ICAM3: variants seen among roughly 807,000 people sequenced by gnomAD.
The protein encoded by ICAM3 is intercellular adhesion molecule 3.
ICAM3 carries 54 observed loss-of-function variants against 43.6 expected under a neutral mutation model. The observed-to-expected ratio is 1.24, with a 90% CI of 0.99 to 1.55. The LOEUF (loss-of-function observed/expected upper bound fraction) is 1.55, where lower values mean the gene tolerates loss of function less well. ICAM3 is among the 40% of genes most tolerant of loss of function. The pLI is 0.00. For missense variants in ICAM3, 715 were observed against 717.9 expected, an observed-to-expected ratio of 1.00 and a Z score of 0.05; for synonymous variants, 306 against 312.6, an observed-to-expected ratio of 0.98 and a Z score of 0.22.
chr19:10,334,493 G>A lies in ICAM3; in HGVS notation c.1192+35C>T. 1 of 1,602,788 alleles carries A rather than the reference G, an allele frequency of 6.2e-7. No homozygotes were observed. The highest frequency in any genetic ancestry group is 8.5e-7 in the Non-Finnish European group (1 of 1,172,696). The stretch of plus-strand genomic sequence containing the variant: ...GAGCGTCTAATCTTTCCAGGGCAGG[G>A]GTGGAGGGATTAAAGGTCAGGGTGA... On this transcript the variant is annotated intron_variant, in intron 5 of 6. Coordinates refer to ENST00000160262, the MANE Select transcript of ICAM3 (RefSeq NM_002162.5). The surrounding 1 kb of genome is among the most constrained non-coding windows in gnomAD (Gnocchi z 5.5).
chr19:10,335,160 C>T lies in ICAM3; in HGVS notation c.843G>A (p.Thr281=), dbSNP rs1568317248. 1 of 1,613,712 alleles carries T rather than the reference C, an allele frequency of 6.2e-7. No individual in the cohort carries two copies. Among genetic ancestry groups the T allele is most frequent in the Non-Finnish European group, 8.5e-7 (1 of 1,180,004 alleles). ...GDTLTATATA[T]ARADQEGARE... ...GGGCACCCTCCTGATCCGCGCGCGC[C>T]GTGGCTGTGGCTGTGGCCGTTAGCG... The change falls in exon 4 of 7, where the codon ACG becomes ACA. Residue 281 remains threonine, a synonymous_variant. Coordinates refer to ENST00000160262, the MANE Select transcript of ICAM3 (RefSeq NM_002162.5).
intron 3 of ICAM3, 63 bp from the exon 4 acceptor site, chr19:10,335,416 C>T (rs1446145826): frequency 2.9e-6 from 4 of 1,402,364 alleles, no homozygotes; most frequent in Non-Finnish European, 2.9e-6. Flanking sequence ...ACACCCTCAT[C>T]CCCCCCAGTC....
chr19:10,333,791 G>A lies in ICAM3; in HGVS notation c.*66C>T. The A allele has an allele frequency of 3.3e-6, 5 of 1,537,782 alleles. No individual in the cohort carries two copies. Among genetic ancestry groups the A allele is most frequent in the Non-Finnish European group, 4.5e-6 (5 of 1,114,700 alleles). On this transcript the variant is annotated 3_prime_UTR_variant, in exon 7 of 7. Coordinates refer to ENST00000160262, the MANE Select transcript of ICAM3 (RefSeq NM_002162.5). The surrounding 1 kb of genome is among the most constrained non-coding windows in gnomAD (Gnocchi z 4.2). ...AAACCACAGATTAGGGAGTTTGAAG[G>A]CTTTATTGGTGCGGAATCTGAGGGC...
At chr19:10,339,386 A>G (rs191247033) in intron 1 of ICAM3, 153 bp downstream of exon 1, 31 of 666,496 alleles carry the variant, frequency 4.7e-5, no homozygotes, top group African/African-American at 4.3e-4. Flanking sequence ...TGAAGGCTGA[A>G]CTAAGGAACC....
In ICAM3 at chr19:10,336,804, CAAAAAA is replaced by C. The variant is rs34119863; in HGVS notation, c.344-834_344-829del. Among the ~76,000 whole-genome samples the C allele has an allele frequency of 7.8e-3, 615 of 78,982 alleles. 9 individuals are homozygous for C. The highest frequency in any genetic ancestry group is 0.049 in the Admixed American group (327 of 6,714). 51.8% of individuals were successfully genotyped at this position (78,982 alleles called of 152,430 possible). ...CTGGCGACAGAGAGAGACTCTATGT[CAAAAAA>C]AAAAAAAAAAAAAAAAAGGCTGGGC... On this transcript the variant is annotated intron_variant, in intron 2 of 6. Coordinates refer to ENST00000160262, the MANE Select transcript of ICAM3 (RefSeq NM_002162.5).
chr19:10,336,449 C>T (rs1052675817), intron 2 of ICAM3, among the ~76,000 whole-genome samples: 2 of 152,148 alleles, frequency 1.3e-5, no homozygotes, highest in East Asian at 3.9e-4. Context: ...CAAGATACTC[C>T]GGCACAGTCA....
intron 3 of ICAM3, 69 bp downstream of exon 3, chr19:10,335,602 A>G: frequency 6.9e-7 from 1 of 1,445,104 alleles, no homozygotes; most frequent in Non-Finnish European, 9.4e-7. Context: ...ACTCTCAGGA[A>G]CCCCAAGGTC....
At position 10,334,824 on chromosome 19, in the gene ICAM3, T is replaced by C; in HGVS notation, c.938-42A>G. 1 of 1,532,546 alleles carries C rather than the reference T, an allele frequency of 6.5e-7. No homozygotes were observed. Among genetic ancestry groups the C allele is most frequent in the Admixed American group, 2.0e-5 (1 of 48,878 alleles). The allele number at this position is 1,532,546 out of a possible 1,614,324, so 94.9% of individuals were successfully genotyped here. On this transcript the variant is annotated intron_variant, in intron 4 of 6. Coordinates refer to ENST00000160262, the MANE Select transcript of ICAM3 (RefSeq NM_002162.5). The surrounding 1 kb of genome is among the most constrained non-coding windows in gnomAD (Gnocchi z 5.5). ...GCCCAGGAGCTTAATGAACAGGACCTTCCTGTGGGTCAAGCCGCTCCCTCC... is the reference window on the plus strand; with the variant it reads ...GCCCAGGAGCTTAATGAACAGGACCCTCCTGTGGGTCAAGCCGCTCCCTCC...
In ICAM3 at chr19:10,334,818, A is replaced by G; in HGVS notation, c.938-36T>C. ...GGCATTGCCCAGGAGCTTAATGAAC[A>G]GGACCTTCCTGTGGGTCAAGCCGCT... is the stretch of plus-strand genomic sequence containing the variant. On this transcript the variant is annotated intron_variant, in intron 4 of 6. Coordinates refer to ENST00000160262, the MANE Select transcript of ICAM3 (RefSeq NM_002162.5). The surrounding 1 kb of genome is among the most constrained non-coding windows in gnomAD (Gnocchi z 5.5). The G allele has an allele frequency of 6.5e-7, 1 of 1,539,382 alleles. No homozygotes were observed. Among genetic ancestry groups the G allele is most frequent in the Non-Finnish European group, 8.8e-7 (1 of 1,142,608 alleles).
In ICAM3 at chr19:10,335,729, C is replaced by T; in HGVS notation, c.591G>A (p.Gln197=). 1 of 1,611,032 alleles carries T rather than the reference C, an allele frequency of 6.2e-7. No homozygotes were observed. The highest frequency in any genetic ancestry group is 8.5e-7 in the Non-Finnish European group (1 of 1,179,068). Residue 197 remains glutamine (Q), a synonymous_variant, in exon 3 of 7, where the codon CAG becomes CAA. Coordinates refer to ENST00000160262, the MANE Select transcript of ICAM3 (RefSeq NM_002162.5). ...PFSCRTELDM[Q]PQGLGLFVNT... is the part of the protein sequence containing the mutation. ...TCACGAACAGTCCCAGCCCCTGGGGCTGCATGTCCAGTTCTGTGCGGCATG... is the reference window on the plus strand; with the variant it reads ...TCACGAACAGTCCCAGCCCCTGGGGTTGCATGTCCAGTTCTGTGCGGCATG...
chr19:10,334,154 G>A lies in ICAM3; in HGVS notation c.1441+6C>T, dbSNP rs763741904. 1 of 1,595,420 alleles carries A rather than the reference G, an allele frequency of 6.3e-7. No individual in the cohort carries two copies. Among genetic ancestry groups the A allele is most frequent in the Non-Finnish European group, 8.6e-7 (1 of 1,163,660 alleles). ...GGTCCAGACCCGCAGCCCCGTGTTA[G>A]CTCACCCTCAATGTCCATCACCACG... is the stretch of plus-strand genomic sequence containing the variant. On this transcript the variant is annotated splice_donor_region_variant and intron_variant, in intron 6 of 6. Coordinates refer to ENST00000160262, the MANE Select transcript of ICAM3 (RefSeq NM_002162.5). The surrounding 1 kb of genome is among the most constrained non-coding windows in gnomAD (Gnocchi z 5.5).
chr19:10,339,070 TC>T, intron 1 of ICAM3, 122 bp from the exon 2 acceptor site: 2 of 1,070,268 alleles, frequency 1.9e-6, no homozygotes, highest in Non-Finnish European at 2.7e-6. Flanking sequence ...GCCTTCATGG[TC>T]CAGTGGGAAA....
intron 2 of ICAM3, 28 bp downstream of exon 2, chr19:10,338,654 A>T (rs1189042499): frequency 1.9e-6 from 3 of 1,610,304 alleles, no homozygotes; most frequent in Non-Finnish European, 2.5e-6. Context: ...ACCCAAGACC[A>T]GTCCCACCTC....
chr19:10,338,291 C>T (rs1238906842), intron 2 of ICAM3, among the ~76,000 whole-genome samples: 2 of 151,164 alleles, frequency 1.3e-5, no homozygotes, highest in African/African-American at 4.9e-5. Context: ...TAATCTCAGC[C>T]ACTCGGGAGG....
rs568001304 is a variant in ICAM3, at chr19:10,339,286, A to G, written c.76+253T>C. 1.7e-5 allele frequency: 10 copies of G among 580,582 alleles called. No individual in the cohort carries two copies. In the South Asian group the frequency reaches 1.9e-4, roughly 11 times the overall value. The allele number at this position is 580,582 out of a possible 1,614,324, so 36.0% of individuals were successfully genotyped here. On this transcript the variant is annotated intron_variant, in intron 1 of 6. Coordinates refer to ENST00000160262, the MANE Select transcript of ICAM3 (RefSeq NM_002162.5). The stretch of plus-strand genomic sequence containing the variant: ...ACATACGCAAAGGGCAAATTTCAGG[A>G]GTTCAGATGGAGCAGGAAGCATGAG...
In ICAM3 at chr19:10,334,730, G is replaced by C; in HGVS notation, c.990C>G (p.Ser330=). 6.2e-7 allele frequency: 1 copy of C among 1,612,878 alleles called. No individual in the cohort carries two copies. Among genetic ancestry groups the C allele is most frequent in the Non-Finnish European group, 8.5e-7 (1 of 1,179,690 alleles). ...NLSEPTAHEG[S]TVTVSCMAGA... is the part of the protein sequence containing the mutation. ...CAGCCATGCAACTCACGGTCACTGT[G>C]GACCCCTCATGGGCGGTGGGCTCGC... Residue 330 remains serine, a synonymous_variant, in exon 5 of 7, where the codon TCC becomes TCG. Transcript: ENST00000160262. This position sits in a 1 kb window ranked among gnomAD's most constrained non-coding sequence, Gnocchi z 5.5.
Position 10,334,771 on chromosome 19 carries a change from G to T in ICAM3, c.949C>A (p.Pro317Thr). The change falls in exon 5 of 7, where the codon CCC (proline) becomes ACC (threonine). Residue 317 changes from proline (P) to threonine (T), a missense_variant. By Grantham distance (38) the Pro-to-Thr change is conservative. Transcript: ENST00000160262. The surrounding 1 kb of genome is among the most constrained non-coding windows in gnomAD (Gnocchi z 5.5). ...GTGGGCTCGCTGAGGTTCACAATGG[G>T]TCCTAGGAAGCCTAAAGGCGGGGCA... Reference protein sequence around the residue: ...ENLTVFSFLGPIVNLSEPTAH... With the variant: ...ENLTVFSFLGTIVNLSEPTAH... 6.3e-7 allele frequency: 1 copy of T among 1,592,564 alleles called. No individual in the cohort carries two copies. The highest frequency in any genetic ancestry group is 8.6e-7 in the Non-Finnish European group (1 of 1,166,920).
intron 1 of ICAM3, 51 bp downstream of exon 1, chr19:10,339,488 G>A: frequency 6.6e-7 from 1 of 1,506,090 alleles, no homozygotes; most frequent in Non-Finnish European, 9.2e-7. Context: ...ACCCTCTACT[G>A]ATCCCCAAAA....
rs2040583778 is a variant in ICAM3 at position 10,335,313 on chromosome 19, G to C, written c.690C>G (p.Phe230Leu). The C allele has an allele frequency of 6.2e-7, 1 of 1,611,970 alleles. No homozygotes were observed. Among genetic ancestry groups the C allele is most frequent in the African/African-American group, 1.3e-5 (1 of 74,906 alleles). Residue 230 changes from phenylalanine (F) to leucine (L), a missense_variant, in exon 4 of 7, where the codon TTC (phenylalanine) becomes TTG (leucine). Transcript: ENST00000160262. ...VTPPRLVAPRFLEVETSWPVD... is the reference protein window; with the variant it reads ...VTPPRLVAPRLLEVETSWPVD... ...CCGGCCACGACGTTTCCACCTCCAA[G>C]AACCGGGGGGCCACGAGGCGCGGGG... is the stretch of plus-strand genomic sequence containing the variant.
Sources: gnomAD v4.1 joint callset for allele counts (sites outside exome capture counted in the v4.1 genomes callset) on GRCh38, gnomAD v4.1.1 for gene constraint, Gnocchi (gnomAD v3.1) non-coding constraint, MANE v1.5 for transcripts, NCBI Gene and HGNC (gene_info 2026-07-23, HGNC 2026-07-21) for gene names.